Variants in INPP5F observed in about 807,000 individuals in gnomAD.
INPP5F encodes the protein inositol polyphosphate-5-phosphatase F.
INPP5F carries 97 observed loss-of-function variants against 137.2 expected under a neutral mutation model. That is an observed-to-expected ratio of 0.71 (90% CI 0.60 to 0.84). The LOEUF (loss-of-function observed/expected upper bound fraction) is 0.84. INPP5F is among the 40% of genes least tolerant of loss of function. The pLI is 0.00. For synonymous variants in INPP5F, 504 were observed against 476.9 expected, an observed-to-expected ratio of 1.06 and a Z score of -0.74; for missense variants, 1,271 against 1,371.9, an observed-to-expected ratio of 0.93 and a Z score of 1.16.
chr10:119,797,227 G>A lies in INPP5F; in HGVS notation c.869-234G>A, dbSNP rs117394054. Among the ~76,000 whole-genome samples the A allele has an allele frequency of 4.5e-3, 685 of 152,294 alleles. 36 individuals carry two copies. The South Asian group carries it at 0.11, about 24-fold the overall frequency. Reference sequence around the variant, plus strand: ...CGTGATAAATCCTTCCTATGTGCTAGTGCCTTTGGGAAGACCTTTCTCTTT... The same window carrying A: ...CGTGATAAATCCTTCCTATGTGCTAATGCCTTTGGGAAGACCTTTCTCTTT... On this transcript the variant is annotated intron_variant, in intron 7 of 19. Coordinates refer to ENST00000650623, the MANE Select transcript of INPP5F (RefSeq NM_014937.4).
intron 2 of INPP5F, among the ~76,000 whole-genome samples, chr10:119,752,599 A>G (rs1301915942): frequency 2.6e-5 from 4 of 151,772 alleles, no homozygotes; most frequent in Non-Finnish European, 5.9e-5. Context: ...AAAAAAAAAA[A>G]AAAAGAAATG....
rs533835435 is a variant in INPP5F, at chr10:119,812,063, G to A, written c.1886+108G>A. On this transcript the variant is annotated intron_variant, in intron 15 of 19. Transcript: ENST00000650623. Reference sequence around the variant, plus strand: ...AAAGCTGTGGGCATGGATGCATGGCGCGTGACTATTTCCTCTATGAGCTGG... The same window carrying A: ...AAAGCTGTGGGCATGGATGCATGGCACGTGACTATTTCCTCTATGAGCTGG... 392 of 832,302 alleles carry A rather than the reference G, an allele frequency of 4.7e-4. 6 individuals are homozygous for A. In the South Asian group the frequency reaches 5.4e-3, roughly 11 times the overall value. 51.6% of individuals were successfully genotyped at this position (832,302 alleles called of 1,614,324 possible).
chr10:119,796,695 C>G lies in INPP5F; in HGVS notation c.670-20C>G, dbSNP rs370097956. The G allele has an allele frequency of 3.2e-6, 5 of 1,583,166 alleles. 1 individual carries two copies. Among genetic ancestry groups the G allele is most frequent in the Non-Finnish European group, 3.5e-6 (4 of 1,151,816 alleles). On this transcript the variant is annotated intron_variant, in intron 6 of 19. Coordinates refer to ENST00000650623, the MANE Select transcript of INPP5F (RefSeq NM_014937.4). Reference sequence around the variant, plus strand: ...GTGCTGTACAGAATAGAAACGATATCATGTTCATTTTGTTTTCAGACTCCA... The same window carrying G: ...GTGCTGTACAGAATAGAAACGATATGATGTTCATTTTGTTTTCAGACTCCA...
chr10:119,753,240 C>T (rs1246326992), intron 2 of INPP5F, among the ~76,000 whole-genome samples: 1 of 152,136 alleles, frequency 6.6e-6, no homozygotes, highest in Non-Finnish European at 1.5e-5. Flanking sequence ...TTATTTTTCT[C>T]ATTTTCAGTC....
intron 2 of INPP5F, among the ~76,000 whole-genome samples, chr10:119,763,867 T>C (rs1344830226): frequency 6.6e-6 from 1 of 152,188 alleles, no homozygotes; most frequent in Non-Finnish European, 1.5e-5. Context: ...AATATCCAAT[T>C]TCACTCTTAA....
Position 119,823,141 on chromosome 10 carries a change from G to A in INPP5F, c.2103G>A (p.Ala701=), listed in dbSNP as rs150950209. ...CMRLHYRYKE[A]SGYFHTLRAV... is the part of the protein sequence containing the mutation. ...GACTGCACTACAGATACAAAGAAGC[G>A]AGTGGCTATTTCCACACATTGCGAG... Residue 701 remains alanine, a synonymous_variant, in exon 18 of 20, where the codon GCG becomes GCA. Coordinates refer to ENST00000650623, the MANE Select transcript of INPP5F (RefSeq NM_014937.4). The A allele has an allele frequency of 3.6e-4, 583 of 1,614,114 alleles. 2 individuals are homozygous for A. The African/African-American group carries it at 6.9e-3, about 19-fold the overall frequency.
chr10:119,810,202 A>G lies in INPP5F; in HGVS notation c.1672A>G (p.Arg558Gly), dbSNP rs756786408. The change falls in exon 14 of 20, where the codon AGG (arginine) becomes GGG (glycine). Residue 558 changes from arginine to glycine, a missense_variant. Physicochemically the swap from Arg to Gly is moderately radical, Grantham distance 125. This residue lies in a region of INPP5F where 593 missense variants were observed against 712.4 expected (regional missense o/e 0.83). Transcript: ENST00000650623. Reference sequence around the variant, plus strand: ...CCTCAACCGATTTAAGGATGCTTATAGGCAAGCTGTTATAGGTAAGAAGCA... The same window carrying G: ...CCTCAACCGATTTAAGGATGCTTATGGGCAAGCTGTTATAGGTAAGAAGCA... ...YYLNRFKDAY[R>G]QAVIDLMQGI... 1 of 1,597,506 alleles carries G rather than the reference A, an allele frequency of 6.3e-7. No individual in the cohort carries two copies. The highest frequency in any genetic ancestry group is 8.6e-7 in the Non-Finnish European group (1 of 1,165,334).
At chr10:119,774,945 G>C (rs554702973) in intron 2 of INPP5F, among the ~76,000 whole-genome samples, 4 of 151,878 alleles carry the variant, frequency 2.6e-5, no homozygotes, top group South Asian at 2.1e-4. Context: ...TATAGTAAAG[G>C]CTCGATGTTA....
At chr10:119,797,688 T>C (rs1440285386) in intron 8 of INPP5F, 48 bp downstream of exon 8, 3 of 1,430,148 alleles carry the variant, frequency 2.1e-6, no homozygotes, top group East Asian at 2.5e-5. Flanking sequence ...TCAGAGAGAA[T>C]AGTTTTTAAG....
At chr10:119,729,556 T>G (rs1278590559) in intron 1 of INPP5F, among the ~76,000 whole-genome samples, 1 of 150,362 alleles carries the variant, frequency 6.7e-6, no homozygotes, top group Non-Finnish European at 1.5e-5. Context: ...TATTTCTATC[T>G]GATGTAGCAT....
intron 6 of INPP5F, among the ~76,000 whole-genome samples, chr10:119,794,737 GTGGGGGGGCTGACCCCCCCACCTCCCTCC>G: frequency 1.2e-5 from 1 of 83,868 alleles, no homozygotes; most frequent in African/African-American, 4.3e-5. Flanking sequence ...GGCTGGCCAG[GTGGGGGGGCTGACCCCCCCACCTCCCTCC>G]CGGACGGGGC....
rs1054117694 is a variant in INPP5F, at chr10:119,748,036, G to T, written c.98-3040G>T. ...TGGGCTTTTTCCACTGTCTTGGCTC[G>T]GCAAGCTGTGCTGGGCTTGCACTAC... On this transcript the variant is annotated intron_variant, in intron 1 of 19. Transcript: ENST00000650623. The surrounding 1 kb of genome is among the most constrained non-coding windows in gnomAD (Gnocchi z 4.7). 1.9e-4 allele frequency among the ~76,000 whole-genome samples: 29 copies of T among 151,864 alleles called. No homozygotes were observed. Among genetic ancestry groups the T allele is most frequent in the Non-Finnish European group, 7.4e-5 (5 of 67,808 alleles).
At chr10:119,801,979 T>C (rs1273095771) in intron 9 of INPP5F, among the ~76,000 whole-genome samples, 1 of 152,192 alleles carries the variant, frequency 6.6e-6, no homozygotes, top group Non-Finnish European at 1.5e-5. Context: ...TATCCACCTT[T>C]TCCTGGGTAA....
intron 2 of INPP5F, among the ~76,000 whole-genome samples, chr10:119,765,961 A>C (rs866581195): frequency 2.0e-4 from 30 of 151,806 alleles, no homozygotes; most frequent in South Asian, 1.9e-3. Context: ...AAAGATAATT[A>C]TTATAAGGGA....
chr10:119,817,913 A>G (rs1417528307), intron 15 of INPP5F, among the ~76,000 whole-genome samples: 5 of 152,228 alleles, frequency 3.3e-5, no homozygotes, highest in Non-Finnish European at 7.3e-5. Context: ...AGAGACCAGT[A>G]CCTCACTCAC....
In INPP5F at chr10:119,767,965, G is replaced by GT. The variant is rs368885537; in HGVS notation, c.179-13669dup. 4.7e-3 allele frequency among the ~76,000 whole-genome samples: 712 copies of GT among 152,294 alleles called. 9 individuals are homozygous for GT. The highest frequency in any genetic ancestry group is 0.016 in the African/African-American group (683 of 41,578). On this transcript the variant is annotated intron_variant, in intron 2 of 19. Coordinates refer to ENST00000650623, the MANE Select transcript of INPP5F (RefSeq NM_014937.4). ...TGTCAATTTGAAATGACAGAGGAAC[G>GT]TGAGTATTCCTGTTGGCAATGTTAC...
In INPP5F at chr10:119,826,696, A is replaced by G. The variant is rs1851773254; in HGVS notation, c.2315A>G (p.Gln772Arg). Reference sequence around the variant, plus strand: ...TCTCAAAACCAAGGTTCTTTGGCCCAGGGAAAGAATTTTTTAATGAGCAAA... The same window carrying G: ...TCTCAAAACCAAGGTTCTTTGGCCCGGGGAAAGAATTTTTTAATGAGCAAA... ...IRSQNQGSLAQGKNFLMSKFS... is the reference protein window; with the variant it reads ...IRSQNQGSLARGKNFLMSKFS... The change falls in exon 20 of 20, where the codon CAG (glutamine) becomes CGG (arginine). Residue 772 changes from glutamine (Q) to arginine (R), a missense_variant. Transcript: ENST00000650623. The G allele has an allele frequency of 1.2e-6, 2 of 1,612,342 alleles. No homozygotes were observed. Among genetic ancestry groups the G allele is most frequent in the East Asian group, 2.2e-5 (1 of 44,870 alleles).
intron 9 of INPP5F, among the ~76,000 whole-genome samples, chr10:119,801,844 C>G (rs889884382): frequency 1.3e-5 from 2 of 152,176 alleles, no homozygotes; most frequent in African/African-American, 4.8e-5. Flanking sequence ...CTAAGGTGTG[C>G]AAGCAGAGGA....
intron 12 of INPP5F, 34 bp downstream of exon 12, chr10:119,806,514 T>C (rs766777996): frequency 6.5e-7 from 1 of 1,543,530 alleles, no homozygotes; most frequent in Non-Finnish European, 8.7e-7. Flanking sequence ...CAAATATTCA[T>C]TTCGAAATGC....
Sources: gnomAD v4.1 joint callset for allele counts (sites outside exome capture counted in the v4.1 genomes callset) on GRCh38, gnomAD v4.1.1 for gene constraint, gnomAD v4.1.1 regional missense constraint, Gnocchi (gnomAD v3.1) non-coding constraint, MANE v1.5 for transcripts, NCBI Gene and HGNC (gene_info 2026-07-23, HGNC 2026-07-21) for gene names.